The following IL1RAPL2 variants were observed in gnomAD, a reference collection of about 807,000 sequenced individuals.
IL1RAPL2 encodes interleukin 1 receptor accessory protein like 2.
Under a neutral mutation model 44.1 loss-of-function variants are expected in IL1RAPL2, and 3 were observed. The observed-to-expected ratio is 0.07, with a 90% CI of 0.03 to 0.18. The LOEUF (loss-of-function observed/expected upper bound fraction) is 0.18. Among genes scored for constraint, IL1RAPL2 ranks in the 10% least tolerant of loss-of-function variants. IL1RAPL2 has a pLI of 1.00. For missense variants in IL1RAPL2, 391 were observed against 496.4 expected (o/e 0.79, Z 2.02); for synonymous variants, 181 against 178.8 (o/e 1.01, Z -0.10).
At chrX:104,874,751 A>T (rs947425605) in intron 2 of IL1RAPL2, among the ~76,000 whole-genome samples, 2 of 111,652 alleles carry the variant, frequency 1.8e-5, no homozygotes, top group Non-Finnish European at 3.8e-5. Context: ...TAGTGCACTG[A>T]GGAATGTTCA....
At chrX:104,931,677 A>C (rs1924902314) in intron 2 of IL1RAPL2, among the ~76,000 whole-genome samples, 1 of 111,720 alleles carries the variant, frequency 9.0e-6, no homozygotes, top group Admixed American at 9.6e-5. Context: ...GACTGACTTT[A>C]ATTTCAGGCA....
In IL1RAPL2 at chrX:104,922,419, A is replaced by T. The variant is rs758020317; in HGVS notation, c.82+263424A>T. ...ATGTAATCGCTGCTGAAAGAAGCAC[A>T]CAGTGCTGGGAAATGAGATAAGCTT... On this transcript the variant is annotated intron_variant, in intron 2 of 10. Coordinates refer to ENST00000372582, the MANE Select transcript of IL1RAPL2 (RefSeq NM_017416.2). Among the ~76,000 whole-genome samples, 299 of 112,695 alleles carry T rather than the reference A, an allele frequency of 2.7e-3. 2 individuals are homozygous for T. Among genetic ancestry groups the T allele is most frequent in the Non-Finnish European group, 5.1e-3 (273 of 53,304 alleles).
At chrX:105,134,999 A>C (rs1372001784) in intron 2 of IL1RAPL2, among the ~76,000 whole-genome samples, 1 of 107,613 alleles carries the variant, frequency 9.3e-6, no homozygotes, top group African/African-American at 3.4e-5. Context: ...AAGATGACAA[A>C]GGAGTGCTAC....
At chrX:105,449,337 C>T (rs2147760772) in intron 5 of IL1RAPL2, among the ~76,000 whole-genome samples, 1 of 111,116 alleles carries the variant, frequency 9.0e-6, no homozygotes, top group East Asian at 2.8e-4. Flanking sequence ...GTAATCTCAG[C>T]CCTTTGGGAG....
intron 2 of IL1RAPL2, among the ~76,000 whole-genome samples, chrX:104,671,956 C>CTTTACAG (rs1429278690): frequency 2.7e-5 from 3 of 111,392 alleles, no homozygotes; most frequent in Admixed American, 9.6e-5. Context: ...TTCACATAGA[C>CTTTACAG]TTTATAGTTT....
At chrX:105,647,035 G>A (rs968322711) in intron 6 of IL1RAPL2, among the ~76,000 whole-genome samples, 1 of 112,447 alleles carries the variant, frequency 8.9e-6, no homozygotes, top group Admixed American at 9.4e-5. Flanking sequence ...GAGTGTTATA[G>A]CTCTATTAGA....
At chrX:105,459,455 G>T (rs2036078651) in intron 5 of IL1RAPL2, among the ~76,000 whole-genome samples, 1 of 111,195 alleles carries the variant, frequency 9.0e-6, no homozygotes, top group Non-Finnish European at 1.9e-5. Context: ...CATTGTTCTT[G>T]TTCTCCTTTA....
At chrX:104,581,500 CAT>C (rs1313006798) in intron 1 of IL1RAPL2, among the ~76,000 whole-genome samples, 9 of 111,751 alleles carry the variant, frequency 8.1e-5, no homozygotes, top group African/African-American at 2.6e-4. Context: ...TAGGTTCTGA[CAT>C]GTGATTAATA....
intron 1 of IL1RAPL2, among the ~76,000 whole-genome samples, chrX:104,638,921 T>G (rs1192090755): frequency 8.9e-6 from 1 of 112,266 alleles, no homozygotes; most frequent in Non-Finnish European, 1.9e-5. Context: ...CTGGTTTTTC[T>G]GTTTAGCTGT....
chrX:105,721,341 G>A (rs1460935754), intron 7 of IL1RAPL2, among the ~76,000 whole-genome samples: 4 of 110,390 alleles, frequency 3.6e-5, no homozygotes, highest in Admixed American at 1.9e-4. Context: ...GCTTGAACCC[G>A]GGAGGCAGGG....
At position 105,005,152 on chromosome X, in the gene IL1RAPL2, C is replaced by A. The variant is rs149889246; in HGVS notation, c.83-190323C>A. Among the ~76,000 whole-genome samples the A allele has an allele frequency of 8.6e-3, 960 of 111,247 alleles. 7 individuals are homozygous for A. Among genetic ancestry groups the A allele is most frequent in the Non-Finnish European group, 0.013 (693 of 52,782 alleles). ...TGGGCAAGAAGGATTATTTATATGA[C>A]TTTTGTGAAACCTATTCCCTCTAAA... On this transcript the variant is annotated intron_variant, in intron 2 of 10. Transcript: ENST00000372582.
chrX:105,310,797 A>G (rs1301679593), intron 5 of IL1RAPL2, among the ~76,000 whole-genome samples: 1 of 111,442 alleles, frequency 9.0e-6, no homozygotes, highest in African/African-American at 3.3e-5. Flanking sequence ...ACTTAATTCC[A>G]CTGTGATCAA....
At chrX:105,104,381 G>A (rs2032710785) in intron 2 of IL1RAPL2, among the ~76,000 whole-genome samples, 2 of 111,862 alleles carry the variant, frequency 1.8e-5, no homozygotes, top group Admixed American at 1.9e-4. Context: ...GTGTTGGCAG[G>A]AAGGTATAAG....
chrX:104,614,774 G>T (rs1366659577), intron 1 of IL1RAPL2, among the ~76,000 whole-genome samples: 1 of 111,577 alleles, frequency 9.0e-6, no homozygotes, highest in East Asian at 2.8e-4. Context: ...TACTGTTGTT[G>T]GTTTAAATTC....
At chrX:104,604,204 C>A (rs1292633908) in intron 1 of IL1RAPL2, among the ~76,000 whole-genome samples, 1 of 111,733 alleles carries the variant, frequency 8.9e-6, no homozygotes, top group African/African-American at 3.3e-5. Flanking sequence ...TGCAGCCAAA[C>A]TGAGCTTCAT....
intron 2 of IL1RAPL2, among the ~76,000 whole-genome samples, chrX:104,935,272 G>T (rs919718560): frequency 3.6e-5 from 4 of 111,566 alleles, no homozygotes; most frequent in Non-Finnish European, 7.5e-5. Context: ...CCATTACTTT[G>T]CACATCAATT....
intron 2 of IL1RAPL2, among the ~76,000 whole-genome samples, chrX:105,054,061 G>A (rs1325825080): frequency 1.8e-5 from 2 of 111,297 alleles, no homozygotes; most frequent in Non-Finnish European, 3.8e-5. Context: ...ACAGTCCTGG[G>A]TGGCAGGTGG....
At chrX:105,710,207 T>C (rs2038197203) in intron 6 of IL1RAPL2, among the ~76,000 whole-genome samples, 1 of 110,697 alleles carries the variant, frequency 9.0e-6, no homozygotes, top group Admixed American at 9.7e-5. Flanking sequence ...GGTCTCAGTC[T>C]CTCTTTGTCT....
intron 3 of IL1RAPL2, among the ~76,000 whole-genome samples, chrX:105,233,121 A>G (rs2034086994): frequency 9.0e-6 from 1 of 111,409 alleles, no homozygotes; most frequent in Admixed American, 9.6e-5. Flanking sequence ...GTCTCTACTA[A>G]AAATACAAAA....
Sources: allele counts gnomAD v4.1 joint callset (sites outside exome capture counted in the v4.1 genomes callset), GRCh38; gene constraint gnomAD v4.1.1; transcripts MANE v1.5; gene names NCBI Gene and HGNC (gene_info 2026-07-23, HGNC 2026-07-21).